ATL3: variants seen among roughly 807,000 people sequenced by gnomAD.
ATL3 encodes atlastin-3.
Under a neutral mutation model 69.5 loss-of-function variants are expected in ATL3, and 49 were observed. The observed-to-expected ratio is 0.71, with a 90% confidence interval of 0.56 to 0.89. ATL3 has a LOEUF of 0.89. Among genes scored for constraint, ATL3 ranks in the 40% least tolerant of loss-of-function variants. ATL3 has a pLI of 0.00. For missense variants in ATL3, 606 were observed against 645.7 expected (o/e 0.94, Z 0.67); for synonymous variants, 214 against 224.1 (o/e 0.95, Z 0.40).
intron 10 of ATL3, among the ~76,000 whole-genome samples, chr11:63,634,455 C>T (rs1243752442): frequency 1.3e-5 from 2 of 151,518 alleles, no homozygotes; most frequent in African/African-American, 4.9e-5. Context: ...TGCAGTGAGC[C>T]GAGATTGTGC....
At chr11:63,651,140 A>G (rs1263189842) in intron 5 of ATL3, among the ~76,000 whole-genome samples, 3 of 152,114 alleles carry the variant, frequency 2.0e-5, no homozygotes, top group African/African-American at 4.8e-5. Flanking sequence ...GGAAAAACAG[A>G]TAAGACCTGC....
At chr11:63,661,172 T>A (rs1940408245) in intron 1 of ATL3, among the ~76,000 whole-genome samples, 1 of 149,066 alleles carries the variant, frequency 6.7e-6, no homozygotes, top group African/African-American at 2.5e-5. Context: ...CAGTGAGCCG[T>A]GATCGCGCCA....
intron 3 of ATL3, among the ~76,000 whole-genome samples, chr11:63,654,258 T>C (rs1443299122): frequency 3.3e-5 from 5 of 151,420 alleles, no homozygotes; most frequent in Admixed American, 1.3e-4. Flanking sequence ...GCCATTCTCC[T>C]GCCTCAGCCT....
chr11:63,632,630 A>G (rs774661296), intron 11 of ATL3: 111 of 946,800 alleles, frequency 1.2e-4, no homozygotes, highest in Non-Finnish European at 1.7e-4. Flanking sequence ...ATATGAACTA[A>G]TAAGAGGACG....
chr11:63,629,684 A>G (rs1258625386), intron 12 of ATL3, among the ~76,000 whole-genome samples: 2 of 152,136 alleles, frequency 1.3e-5, no homozygotes, highest in African/African-American at 2.4e-5. Flanking sequence ...AAACAAATGT[A>G]TCATCTCAAA....
chr11:63,626,596 G>A lies in ATL3; in HGVS notation c.*2723C>T, dbSNP rs1215271092. The A allele has an allele frequency of 6.6e-6, 1 of 151,968 alleles. No individual in the cohort carries two copies. The highest frequency in any genetic ancestry group is 1.9e-4 in the East Asian group (1 of 5,192). The allele number at this position is 151,968 out of a possible 1,614,324, so 9.4% of individuals were successfully genotyped here. On this transcript the variant is annotated 3_prime_UTR_variant, in exon 13 of 13. Transcript: ENST00000398868. ...TGAAATATTTTAATAGAAAATTTTG[G>A]AAGCCTCCTTTTATATATTCATAGG...
intron 12 of ATL3, among the ~76,000 whole-genome samples, chr11:63,630,566 G>A (rs1293491572): frequency 6.6e-6 from 1 of 152,038 alleles, no homozygotes; most frequent in Non-Finnish European, 1.5e-5. Flanking sequence ...GGGAGGCCGA[G>A]GCAGGCGGAC....
Position 63,637,913 on chromosome 11 carries a change from C to T in ATL3, c.851-1579G>A, listed in dbSNP as rs367789468. ...ACACATTCACATTTGCTTTCATATA[C>T]TAAAGAAACTCTGAAAGACTACAAA... On this transcript the variant is annotated intron_variant, in intron 8 of 12. Coordinates refer to ENST00000398868, the MANE Select transcript of ATL3 (RefSeq NM_015459.5). Among the ~76,000 whole-genome samples, 21 of 152,296 alleles carry T rather than the reference C, an allele frequency of 1.4e-4. No homozygotes were observed. The East Asian group carries it at 4.0e-3, about 29-fold the overall frequency.
At chr11:63,644,757 A>G (rs1348957248) in intron 6 of ATL3, among the ~76,000 whole-genome samples, 2 of 152,158 alleles carry the variant, frequency 1.3e-5, no homozygotes, top group African/African-American at 4.8e-5. Context: ...TAAGCCAAAT[A>G]TGAGGTCAAT....
At chr11:63,653,465 A>C (rs1789217) in intron 3 of ATL3, among the ~76,000 whole-genome samples, 2 of 140,124 alleles carry the variant, frequency 1.4e-5, no homozygotes, top group Non-Finnish European at 3.1e-5. Context: ...ATTTTGTCCC[A>C]AAAAAAAAAA....
At chr11:63,666,321 G>A (rs1590747672) in intron 1 of ATL3, among the ~76,000 whole-genome samples, 1 of 152,170 alleles carries the variant, frequency 6.6e-6, no homozygotes, top group Non-Finnish European at 1.5e-5. Flanking sequence ...TTACAGGCGT[G>A]AGCCACCGCG....
At chr11:63,642,841 A>G (rs904198789) in intron 8 of ATL3, among the ~76,000 whole-genome samples, 5 of 152,198 alleles carry the variant, frequency 3.3e-5, no homozygotes, top group Admixed American at 3.3e-4. Flanking sequence ...CCATTTAATG[A>G]CTCAAGGCCT....
Position 63,624,131 on chromosome 11 carries a change from G to C in ATL3, c.*5188C>G, listed in dbSNP as rs1408244665. On this transcript the variant is annotated 3_prime_UTR_variant, in exon 13 of 13. Transcript: ENST00000398868. ...CCATTAAATGATCTTACAAATTGGA[G>C]TAAAACAGAAACATGCTTTTAATAT... 6.6e-6 allele frequency: 1 copy of C among 152,160 alleles called. No homozygotes were observed. The highest frequency in any genetic ancestry group is 2.4e-5 in the African/African-American group (1 of 41,450). The allele number at this position is 152,160 out of a possible 1,614,324, so 9.4% of individuals were successfully genotyped here.
chr11:63,630,622 C>A (rs1205754574), intron 12 of ATL3, among the ~76,000 whole-genome samples: 1 of 151,468 alleles, frequency 6.6e-6, no homozygotes, highest in Non-Finnish European at 1.5e-5. Context: ...ATGGTGAAAC[C>A]CTGTCTCTAT....
At chr11:63,642,674 T>C (rs112055443) in intron 8 of ATL3, among the ~76,000 whole-genome samples, 1 of 152,104 alleles carries the variant, frequency 6.6e-6, no homozygotes, top group East Asian at 1.9e-4. Context: ...TCCTCACATA[T>C]AAGATAAAGG....
intron 1 of ATL3, among the ~76,000 whole-genome samples, chr11:63,670,972 G>C (rs1049312333): frequency 1.3e-5 from 2 of 152,124 alleles, no homozygotes; most frequent in African/African-American, 2.4e-5. Context: ...GGGGACCACC[G>C]GCCCTTGGGC....
At chr11:63,671,569 G>C, upstream of ATL3, 7 of 1,425,098 alleles carry the variant, frequency 4.9e-6, no homozygotes, top group Non-Finnish European at 5.5e-6. Flanking sequence ...GAGGCGGGGC[G>C]GGAAAGCGCA....
chr11:63,653,606 G>C (rs550181454), intron 3 of ATL3, among the ~76,000 whole-genome samples: 1 of 152,266 alleles, frequency 6.6e-6, no homozygotes, highest in South Asian at 2.1e-4. Flanking sequence ...TCCTTCAACA[G>C]GCAAATGGAT....
At position 63,629,242 on chromosome 11, in the gene ATL3, T is replaced by C; in HGVS notation, c.*77A>G. 1 of 1,187,060 alleles carries C rather than the reference T, an allele frequency of 8.4e-7. No individual in the cohort carries two copies. The highest frequency in any genetic ancestry group is 2.3e-5 in the East Asian group (1 of 42,688). 73.5% of individuals were successfully genotyped at this position (1,187,060 alleles called of 1,614,324 possible). A position where few individuals can be genotyped will look rare whatever the true frequency, so the allele number is the denominator to read the frequency against. On this transcript the variant is annotated 3_prime_UTR_variant, in exon 13 of 13. Coordinates refer to ENST00000398868, the MANE Select transcript of ATL3 (RefSeq NM_015459.5). ...CTCAGATCTGCCATTCCTCTGGATA[T>C]GAACCTGTGGCCGTGGCAGAAACCC...
Sources: allele counts gnomAD v4.1 joint callset (sites outside exome capture counted in the v4.1 genomes callset), GRCh38; gene constraint gnomAD v4.1.1; transcripts MANE v1.5; gene names NCBI Gene and HGNC (gene_info 2026-07-23, HGNC 2026-07-21).